Variants in PCDH15 observed in about 807,000 individuals in gnomAD.
PCDH15 encodes the protein protocadherin related 15, also known as protocadherin-15.
PCDH15 carries 129 observed loss-of-function variants against 178.5 expected under a neutral mutation model. The observed-to-expected ratio is 0.72, with a 90% CI of 0.63 to 0.84. The LOEUF is 0.84. PCDH15 is among the 40% of genes least tolerant of loss of function. The pLI is 0.00. For synonymous variants in PCDH15, 800 were observed against 732.0 expected (o/e 1.09, Z -1.50); for missense variants, 2,230 against 2,099.9 (o/e 1.06, Z -1.21).
At chr10:54,634,710 G>A (rs555992121) in intron 2 of PCDH15, among the ~76,000 whole-genome samples, 6 of 152,042 alleles carry the variant, frequency 3.9e-5, no homozygotes, top group East Asian at 1.9e-4. Context: ...ATGCTTGCGC[G>A]TATACACTAT....
intron 1 of PCDH15, 95 bp from the exon 2 acceptor site, chr10:54,664,385 T>C (rs1184198062): frequency 1.3e-6 from 1 of 781,152 alleles, no homozygotes; most frequent in Admixed American, 2.0e-5. Context: ...CCTTAATGAC[T>C]TCATAGTTAA....
intron 2 of PCDH15, among the ~76,000 whole-genome samples, chr10:55,151,046 A>G (rs939894275): frequency 1.3e-5 from 2 of 152,136 alleles, no homozygotes; most frequent in African/African-American, 2.4e-5. Flanking sequence ...AGTAAAGCCA[A>G]GTATTTGCCT....
intron 2 of PCDH15, among the ~76,000 whole-genome samples, chr10:55,356,506 C>G (rs910809872): frequency 1.3e-5 from 2 of 151,476 alleles, no homozygotes; most frequent in Admixed American, 1.3e-4. Context: ...ATCTCATCAG[C>G]CTGAATCAGA....
At chr10:54,732,820 C>T (rs1456486116) in intron 1 of PCDH15, among the ~76,000 whole-genome samples, 1 of 151,402 alleles carries the variant, frequency 6.6e-6, no homozygotes, top group Non-Finnish European at 1.5e-5. Flanking sequence ...GCAATATATA[C>T]AAAACATACT....
chr10:53,821,188 T>TAA lies in PCDH15; in HGVS notation c.4368-960_4368-959dup, dbSNP rs558078940. The TAA allele has an allele frequency of 2.5e-4, 247 of 974,222 alleles. 1 individual carries two copies. The African/African-American group carries it at 4.1e-3, about 16-fold the overall frequency. 60.3% of individuals were successfully genotyped at this position (974,222 alleles called of 1,614,324 possible). A position where few individuals can be genotyped will look rare whatever the true frequency, so the allele number is the denominator to read the frequency against. Reference sequence around the variant, plus strand: ...GAATAAGACAGCAACTGAAAAAGTATAAGATTTATCAAATCCATAAGCATA... The same window carrying TAA: ...GAATAAGACAGCAACTGAAAAAGTATAAAAGATTTATCAAATCCATAAGCATA... On this transcript the variant is annotated intron_variant, in intron 32 of 37. Transcript: ENST00000644397.
intron 2 of PCDH15, among the ~76,000 whole-genome samples, chr10:55,129,019 C>T (rs1425511807): frequency 6.6e-6 from 1 of 152,032 alleles, no homozygotes; most frequent in Non-Finnish European, 1.5e-5. Flanking sequence ...CCTGATGTCC[C>T]ATGGGATTAA....
intron 2 of PCDH15, among the ~76,000 whole-genome samples, chr10:54,964,800 A>G (rs1045222823): frequency 1.2e-4 from 18 of 152,172 alleles, no homozygotes; most frequent in African/African-American, 4.3e-4. Flanking sequence ...AAAGCTTTTA[A>G]TTACAATTCC....
intron 1 of PCDH15, among the ~76,000 whole-genome samples, chr10:55,275,634 T>C (rs1320091857): frequency 1.3e-5 from 2 of 151,870 alleles, no homozygotes; most frequent in Non-Finnish European, 2.9e-5. Flanking sequence ...AATTTATCTA[T>C]ACAATAATTT....
rs149690860 is a variant in PCDH15, at chr10:55,550,150, G to C, written c.-156+77475C>G. Reference sequence around the variant, plus strand: ...AATGTCTGGTACTTATGACAGAATAGGGGGAGAGGAAAATTACTGCACAAA... The same window carrying C: ...AATGTCTGGTACTTATGACAGAATACGGGGAGAGGAAAATTACTGCACAAA... On this transcript the variant is annotated intron_variant, in intron 2 of 5. Transcript: ENST00000613346. Among the ~76,000 whole-genome samples, 7 of 152,106 alleles carry C rather than the reference G, an allele frequency of 4.6e-5. No individual in the cohort carries two copies. In the East Asian group the frequency reaches 1.4e-3, roughly 29 times the overall value.
intron 2 of PCDH15, among the ~76,000 whole-genome samples, chr10:55,497,563 G>A (rs148084964): frequency 6.6e-6 from 1 of 151,848 alleles, no homozygotes; most frequent in African/African-American, 2.4e-5. Context: ...CCATTAAAAT[G>A]TTTATTTCCT....
chr10:55,266,464 T>A (rs1842297044), intron 1 of PCDH15, among the ~76,000 whole-genome samples: 1 of 152,116 alleles, frequency 6.6e-6, no homozygotes. Context: ...GAAAGGCAGG[T>A]CCCTCGTGAG....
At chr10:54,092,824 G>A (rs937670032) in intron 15 of PCDH15, among the ~76,000 whole-genome samples, 7 of 151,486 alleles carry the variant, frequency 4.6e-5, no homozygotes, top group African/African-American at 1.2e-4. Flanking sequence ...TTTTTCTCTC[G>A]GTCAATAAAT....
chr10:55,108,667 C>T (rs1047852939), intron 2 of PCDH15, among the ~76,000 whole-genome samples: 3 of 151,378 alleles, frequency 2.0e-5, no homozygotes, highest in African/African-American at 7.3e-5. Flanking sequence ...AATTAATATA[C>T]CAGTAAACGT....
chr10:53,844,125 T>C (rs1333299593), intron 28 of PCDH15, among the ~76,000 whole-genome samples: 2 of 152,188 alleles, frequency 1.3e-5, no homozygotes, highest in East Asian at 1.9e-4. Context: ...TGTGCTGATG[T>C]AGTAGTGTGT....
chr10:54,203,671 G>A (rs575605581), intron 10 of PCDH15, among the ~76,000 whole-genome samples: 14 of 152,092 alleles, frequency 9.2e-5, no homozygotes, highest in Non-Finnish European at 1.5e-4. Context: ...TCTTCTTCCT[G>A]TGTTCCCTTC....
intron 29 of PCDH15, among the ~76,000 whole-genome samples, chr10:53,839,578 A>C: frequency 6.6e-6 from 1 of 152,252 alleles, no homozygotes; most frequent in Middle Eastern, 3.4e-3. Flanking sequence ...ATATCAATAT[A>C]TATTTTTAAC....
At chr10:55,276,804 T>C (rs1026157205) in intron 1 of PCDH15, among the ~76,000 whole-genome samples, 1 of 151,274 alleles carries the variant, frequency 6.6e-6, no homozygotes, top group African/African-American at 2.5e-5. Context: ...ATATGATTTG[T>C]CTTATGACTA....
chr10:54,009,064 G>A (rs951682489), intron 20 of PCDH15, among the ~76,000 whole-genome samples: 2 of 151,926 alleles, frequency 1.3e-5, no homozygotes, highest in African/African-American at 4.8e-5. Flanking sequence ...CCATAATTTT[G>A]TCTTGTCCCT....
intron 25 of PCDH15, among the ~76,000 whole-genome samples, chr10:53,907,805 TCTG>T (rs1303797486): frequency 3.9e-5 from 6 of 152,170 alleles, no homozygotes; most frequent in African/African-American, 1.4e-4. Context: ...GAATAGCACT[TCTG>T]TTCTATTTTA....
Sources: allele counts gnomAD v4.1 joint callset (sites outside exome capture counted in the v4.1 genomes callset), GRCh38; gene constraint gnomAD v4.1.1; transcripts MANE v1.5; gene names NCBI Gene and HGNC (gene_info 2026-07-23, HGNC 2026-07-21).